The following RBPMS variants were observed in gnomAD, a reference collection of about 807,000 sequenced individuals.
RBPMS encodes the protein RNA binding protein, mRNA processing factor.
Under a neutral mutation model 26.8 loss-of-function variants are expected in RBPMS, and 7 were observed. The observed-to-expected ratio is 0.26, with a 90% CI of 0.15 to 0.49. The LOEUF (loss-of-function observed/expected upper bound fraction) is 0.49, where lower values mean the gene tolerates loss of function less well. Ranked by LOEUF, RBPMS falls within the 20% of genes least tolerant of loss-of-function variation. The pLI is 0.98. For missense variants in RBPMS, 186 were observed against 250.0 expected (o/e 0.74, Z 1.73); for synonymous variants, 96 against 93.3 (o/e 1.03, Z -0.17).
intron 7 of RBPMS, among the ~76,000 whole-genome samples, chr8:30,561,527 T>G (rs887400176): frequency 6.6e-6 from 1 of 152,132 alleles, no homozygotes; most frequent in African/African-American, 2.4e-5. Context: ...AAGGCATGGC[T>G]TGAAACACTG....
intron 1 of RBPMS, among the ~76,000 whole-genome samples, chr8:30,424,255 AC>A (rs1166983261): frequency 6.6e-6 from 1 of 152,190 alleles, no homozygotes. Context: ...TGGGCAAGTT[AC>A]TTTCTTTGAA....
At chr8:30,392,297 G>A (rs1205081612) in intron 1 of RBPMS, among the ~76,000 whole-genome samples, 1 of 152,124 alleles carries the variant, frequency 6.6e-6, no homozygotes, top group Non-Finnish European at 1.5e-5. Context: ...AAAGGGTTCA[G>A]ACAGTGGGGA....
chr8:30,565,918 G>C (rs1277778369), intron 7 of RBPMS: 1 of 152,352 alleles, frequency 6.6e-6, no homozygotes, highest in Non-Finnish European at 1.5e-5. Flanking sequence ...CGTGGGTGTA[G>C]AGTCCTGCTT....
At chr8:30,497,241 C>T (rs1000871138) in intron 4 of RBPMS, among the ~76,000 whole-genome samples, 5 of 152,140 alleles carry the variant, frequency 3.3e-5, no homozygotes, top group Non-Finnish European at 7.3e-5. Flanking sequence ...GTGACCAAAA[C>T]GCTCTTTGAA....
At chr8:30,489,476 G>C (rs562369684) in intron 4 of RBPMS, among the ~76,000 whole-genome samples, 1 of 150,936 alleles carries the variant, frequency 6.6e-6, no homozygotes, top group South Asian at 2.1e-4. Flanking sequence ...TCTTTTTTTC[G>C]AGACAGTCTC....
At position 30,445,649 on chromosome 8, in the gene RBPMS, G is replaced by GATATATATATATATATATATATATAT. The variant is rs59580323; in HGVS notation, c.67-29129_67-29104dup. 4.8e-3 allele frequency among the ~76,000 whole-genome samples: 516 copies of GATATATATATATATATATATATATAT among 107,124 alleles called. 8 individuals carry two copies. Among genetic ancestry groups the GATATATATATATATATATATATATAT allele is most frequent in the Middle Eastern group, 6.3e-3 (1 of 160 alleles). 70.3% of individuals were successfully genotyped at this position (107,124 alleles called of 152,430 possible). A position where few individuals can be genotyped will look rare whatever the true frequency, so the allele number is the denominator to read the frequency against. ...ACACACATATGTAGATATACACACG[G>GATATATATATATATATATATATATAT]ATATATATATATATATATATATATA... On this transcript the variant is annotated intron_variant, in intron 1 of 8. Coordinates refer to ENST00000397323, the MANE Select transcript of RBPMS (RefSeq NM_001008710.3).
intron 5 of RBPMS, among the ~76,000 whole-genome samples, chr8:30,506,573 G>C (rs184949874): frequency 6.6e-6 from 1 of 152,234 alleles, no homozygotes; most frequent in East Asian, 1.9e-4. Flanking sequence ...TAAGAACACT[G>C]TGTTGGGTCT....
At chr8:30,556,398 T>C in intron 6 of RBPMS, 1 of 985,812 alleles carries the variant, frequency 1.0e-6, no homozygotes, top group South Asian at 4.7e-5. Context: ...GTGAGGGCTG[T>C]GTGCGAGAGC....
At chr8:30,530,170 T>C (rs1824059715) in intron 5 of RBPMS, among the ~76,000 whole-genome samples, 1 of 152,248 alleles carries the variant, frequency 6.6e-6, no homozygotes, top group South Asian at 2.1e-4. Flanking sequence ...TTGCCTATTG[T>C]ACAGAGCCCA....
rs549514959 is a variant in RBPMS at position 30,492,111 on chromosome 8, C to T, written c.247-12175C>T. Among the ~76,000 whole-genome samples the T allele has an allele frequency of 2.0e-3, 304 of 152,234 alleles. 2 individuals carry two copies. Among genetic ancestry groups the T allele is most frequent in the African/African-American group, 7.1e-3 (293 of 41,540 alleles). On this transcript the variant is annotated intron_variant, in intron 4 of 8. Transcript: ENST00000397323. ...TTCACCATGGTTGTCAGGCTGGTCT[C>T]GAACTCCTGACCTCAGGTGATCCAC... is the stretch of plus-strand genomic sequence containing the variant.
intron 7 of RBPMS, among the ~76,000 whole-genome samples, chr8:30,561,685 G>A (rs996669084): frequency 7.2e-5 from 11 of 152,112 alleles, no homozygotes; most frequent in African/African-American, 1.9e-4. Flanking sequence ...AGGGTGCGCC[G>A]GCCACTTCTG....
chr8:30,445,649 GATATATAT>G lies in RBPMS; in HGVS notation c.67-29111_67-29104del, dbSNP rs59580323. Among the ~76,000 whole-genome samples, 249 of 107,334 alleles carry G rather than the reference GATATATAT, an allele frequency of 2.3e-3. 9 individuals carry two copies. Among genetic ancestry groups the G allele is most frequent in the African/African-American group, 5.2e-3 (132 of 25,428 alleles). 70.4% of individuals were successfully genotyped at this position (107,334 alleles called of 152,430 possible). A position where few individuals can be genotyped will look rare whatever the true frequency, so the allele number is the denominator to read the frequency against. ...ACACACATATGTAGATATACACACG[GATATATAT>G]ATATATATATATATATATGTATTTT... On this transcript the variant is annotated intron_variant, in intron 1 of 8. Transcript: ENST00000397323.
At chr8:30,558,396 A>AGTGTAGATCTCGGTGGTCG in intron 6 of RBPMS, 1 of 194,514 alleles carries the variant, frequency 5.1e-6, no homozygotes, top group Non-Finnish European at 1.1e-5. Flanking sequence ...AGAAGCTGGA[A>AGTGTAGATCTCGGTGGTCG]CCCTTTTTTT....
At chr8:30,554,988 G>A (rs568702515) in intron 6 of RBPMS, among the ~76,000 whole-genome samples, 40 of 152,260 alleles carry the variant, frequency 2.6e-4, no homozygotes, top group African/African-American at 8.2e-4. Flanking sequence ...GCGTCCTCCC[G>A]AGACTAGTCA....
intron 1 of RBPMS, among the ~76,000 whole-genome samples, chr8:30,456,963 A>T (rs1436086883): frequency 6.6e-6 from 1 of 152,236 alleles, no homozygotes; most frequent in African/African-American, 2.4e-5. Flanking sequence ...CCTTTGGCAC[A>T]ACAGAACTGC....
intron 7 of RBPMS, among the ~76,000 whole-genome samples, chr8:30,563,554 G>A (rs931634671): frequency 3.9e-5 from 6 of 152,162 alleles, no homozygotes; most frequent in East Asian, 3.8e-4. Flanking sequence ...GCCATGGACC[G>A]GGACCAGAGC....
chr8:30,536,708 A>C (rs1824840793), intron 5 of RBPMS, among the ~76,000 whole-genome samples: 1 of 152,136 alleles, frequency 6.6e-6, no homozygotes, highest in Non-Finnish European at 1.5e-5. Flanking sequence ...TACTTCCTGA[A>C]ACACTTTTTT....
At chr8:30,446,842 TGCGCGCGCGC>T (rs10544192) in intron 1 of RBPMS, 3 of 65,554 alleles carry the variant, frequency 4.6e-5, no homozygotes, top group Admixed American at 1.4e-4. Flanking sequence ...TGTGTGTGTG[TGCGCGCGCGC>T]GCGCGCGGTG....
At chr8:30,509,705 A>G (rs1292421898) in intron 5 of RBPMS, among the ~76,000 whole-genome samples, 2 of 152,206 alleles carry the variant, frequency 1.3e-5, no homozygotes, top group Non-Finnish European at 2.9e-5. Flanking sequence ...CTCCAGCGGC[A>G]TTGTTTATGA....
Sources: gnomAD v4.1 joint callset for allele counts (sites outside exome capture counted in the v4.1 genomes callset) on GRCh38, gnomAD v4.1.1 for gene constraint, MANE v1.5 for transcripts, NCBI Gene and HGNC (gene_info 2026-07-23, HGNC 2026-07-21) for gene names.